The following CDKN2B-AS1 variants were observed in gnomAD, a reference collection of about 807,000 sequenced individuals.
CDKN2B-AS1 encodes the protein CDKN2B and CDKN2A antisense cis and trans regulatory RNA 1, also known as CDKN2B antisense RNA 1 (non-protein coding).
intron 4 of CDKN2B-AS1, among the ~76,000 whole-genome samples, chr9:22,124,916 G>A (rs2131378827): frequency 6.6e-6 from 1 of 152,316 alleles, no homozygotes; most frequent in Admixed American, 6.5e-5. Flanking sequence ...TTGTCCTTCA[G>A]GGCTGTGACC....
chr9:22,126,483 G>T (rs550401758), intron 4 of CDKN2B-AS1, among the ~76,000 whole-genome samples: 2 of 151,812 alleles, frequency 1.3e-5, no homozygotes, highest in Non-Finnish European at 2.9e-5. Flanking sequence ...GTTTAGTTGA[G>T]AGCAAAGTTT....
intron 2 of CDKN2B-AS1, among the ~76,000 whole-genome samples, chr9:22,048,909 G>A (rs1215199115): frequency 6.6e-6 from 1 of 152,100 alleles, no homozygotes; most frequent in Non-Finnish European, 1.5e-5. Context: ...TGCCTCTTAG[G>A]GATAGTGTGA....
At chr9:22,044,626 T>C (rs1823031401) in intron 1 of CDKN2B-AS1, among the ~76,000 whole-genome samples, 2 of 152,060 alleles carry the variant, frequency 1.3e-5, no homozygotes, top group South Asian at 2.1e-4. Context: ...TGAAAGTCAA[T>C]GCATCCTTCT....
chr9:22,074,971 G>A (rs1824438642), intron 4 of CDKN2B-AS1, among the ~76,000 whole-genome samples: 1 of 152,076 alleles, frequency 6.6e-6, no homozygotes, highest in Non-Finnish European at 1.5e-5. Flanking sequence ...AATTTTAGAT[G>A]GTACATAGAC....
Position 22,006,278 on chromosome 9 carries a change from G to C in CDKN2B-AS1, n.29+11117G>C. ...AGAGAGAGCAGAGTGGTCAGAGCCAGGGTGGGGGCAGGTATGGGAGATGCC... is the reference window on the plus strand; with the variant it reads ...AGAGAGAGCAGAGTGGTCAGAGCCACGGTGGGGGCAGGTATGGGAGATGCC... On this transcript the variant is annotated intron_variant and non_coding_transcript_variant, in intron 1 of 4. Coordinates refer to ENST00000650946, the Ensembl canonical transcript of CDKN2B-AS1. The surrounding 1 kb of genome is among the most constrained non-coding windows in gnomAD (Gnocchi z 6.4). The C allele has an allele frequency of 6.2e-7, 1 of 1,600,326 alleles. No homozygotes were observed. The highest frequency in any genetic ancestry group is 8.5e-7 in the Non-Finnish European group (1 of 1,179,806).
At chr9:22,009,711 G>A (rs1821405900) in intron 1 of CDKN2B-AS1, among the ~76,000 whole-genome samples, 1 of 152,182 alleles carries the variant, frequency 6.6e-6, no homozygotes, top group African/African-American at 2.4e-5. Context: ...TTCTTAAGAT[G>A]TCTGAAAGCG....
intron 1 of CDKN2B-AS1, among the ~76,000 whole-genome samples, chr9:22,042,956 A>T (rs1249332509): frequency 6.6e-6 from 1 of 152,054 alleles, no homozygotes; most frequent in Non-Finnish European, 1.5e-5. Context: ...TTCACAATAG[A>T]GTTTTATGAT....
chr9:22,006,010 G>GTC lies in CDKN2B-AS1; in HGVS notation n.29+10849_29+10850insTC. Reference sequence around the variant, plus strand: ...CGTCAGTCCCCCGTGGCTGTGCGCAGGTACCCTGCAACGTCGCGGTGGCCC... The same window carrying GTC: ...CGTCAGTCCCCCGTGGCTGTGCGCAGTCGTACCCTGCAACGTCGCGGTGGCCC... On this transcript the variant is annotated intron_variant and non_coding_transcript_variant, in intron 1 of 4. Transcript: ENST00000650946. This position sits in a 1 kb window ranked among gnomAD's most constrained non-coding sequence, Gnocchi z 6.4. 1 of 1,603,396 alleles carries GTC rather than the reference G, an allele frequency of 6.2e-7. No homozygotes were observed. Among genetic ancestry groups the GTC allele is most frequent in the Non-Finnish European group, 8.5e-7 (1 of 1,179,718 alleles).
At chr9:22,002,027 T>C (rs1428559071) in intron 1 of CDKN2B-AS1, among the ~76,000 whole-genome samples, 1 of 152,124 alleles carries the variant, frequency 6.6e-6, no homozygotes, top group Non-Finnish European at 1.5e-5. Flanking sequence ...AATTGTCTTA[T>C]TTTCATATAT....
chr9:22,005,984 G>C lies in CDKN2B-AS1; in HGVS notation n.29+10823G>C. On this transcript the variant is annotated intron_variant and non_coding_transcript_variant, in intron 1 of 4. Coordinates refer to ENST00000650946, the Ensembl canonical transcript of CDKN2B-AS1. The surrounding 1 kb of genome is among the most constrained non-coding windows in gnomAD (Gnocchi z 4.9). ...TCGTTGTGGGCGGCTGGGGAACCTG[G>C]CGTCAGTCCCCCGTGGCTGTGCGCA... 6.2e-7 allele frequency: 1 copy of C among 1,601,468 alleles called. No homozygotes were observed. The highest frequency in any genetic ancestry group is 8.5e-7 in the Non-Finnish European group (1 of 1,179,796).
At chr9:22,043,810 T>A (rs1047153557) in intron 1 of CDKN2B-AS1, among the ~76,000 whole-genome samples, 11 of 152,000 alleles carry the variant, frequency 7.2e-5, no homozygotes, top group South Asian at 6.2e-4. Context: ...TATACTTTAA[T>A]ATAAATATGT....
At chr9:22,114,944 G>T (rs570874748) in intron 4 of CDKN2B-AS1, among the ~76,000 whole-genome samples, 1 of 152,102 alleles carries the variant, frequency 6.6e-6, no homozygotes, top group South Asian at 2.1e-4. Flanking sequence ...TTAACTCATG[G>T]CCCGATGATT....
At position 21,995,561 on chromosome 9, in the gene CDKN2B-AS1, A is replaced by C. The variant is rs1820624892; in HGVS notation, n.29+400A>C. The C allele has an allele frequency of 6.6e-6, 1 of 152,356 alleles. No homozygotes were observed. The highest frequency in any genetic ancestry group is 1.5e-5 in the Non-Finnish European group (1 of 68,240). 9.4% of individuals were successfully genotyped at this position (152,356 alleles called of 1,614,324 possible). A position where few individuals can be genotyped will look rare whatever the true frequency, so the allele number is the denominator to read the frequency against. ...GTCCCCTCCTCCCCTTTTCTTCCAC[A>C]TCACCGATCCTTTCTGGACTCTCTC... On this transcript the variant is annotated intron_variant and non_coding_transcript_variant, in intron 1 of 4. Coordinates refer to ENST00000650946, the Ensembl canonical transcript of CDKN2B-AS1. The surrounding 1 kb of genome is among the most constrained non-coding windows in gnomAD (Gnocchi z 5.7).
intron 4 of CDKN2B-AS1, among the ~76,000 whole-genome samples, chr9:22,099,355 T>G (rs1825401910): frequency 6.6e-6 from 1 of 152,068 alleles, no homozygotes; most frequent in Non-Finnish European, 1.5e-5. Flanking sequence ...AGTAGAGGAA[T>G]AAAAAGATTC....
rs1463263316 is a variant in CDKN2B-AS1, at chr9:21,999,270, CAAAT to C, written n.29+4112_29+4115del. Among the ~76,000 whole-genome samples the C allele has an allele frequency of 6.6e-6, 1 of 151,252 alleles. No homozygotes were observed. Among genetic ancestry groups the C allele is most frequent in the African/African-American group, 2.4e-5 (1 of 41,168 alleles). On this transcript the variant is annotated intron_variant and non_coding_transcript_variant, in intron 1 of 4. Coordinates refer to ENST00000650946, the Ensembl canonical transcript of CDKN2B-AS1. The surrounding 1 kb of genome is among the most constrained non-coding windows in gnomAD (Gnocchi z 4.7). ...TATTTTAAGTATGTAAAGACACACA[CAAAT>C]AATGTATGGAAATATATATACACAT...
At chr9:22,008,813 C>A in intron 1 of CDKN2B-AS1, 1 of 1,606,016 alleles carries the variant, frequency 6.2e-7, no homozygotes, top group Non-Finnish European at 8.5e-7. Flanking sequence ...TCGCGCGCCT[C>A]CCGAAACGGT....
At chr9:22,055,268 G>A (rs980293614) in intron 3 of CDKN2B-AS1, among the ~76,000 whole-genome samples, 1 of 152,020 alleles carries the variant, frequency 6.6e-6, no homozygotes, top group Non-Finnish European at 1.5e-5. Flanking sequence ...CCATATTTTT[G>A]TGGTGAGAAC....
chr9:22,005,871 GCAGGCTTA>G lies in CDKN2B-AS1; in HGVS notation n.29+10718_29+10725del, dbSNP rs1284322799. 15 of 1,376,274 alleles carry G rather than the reference GCAGGCTTA, an allele frequency of 1.1e-5. No homozygotes were observed. The highest frequency in any genetic ancestry group is 1.4e-5 in the Non-Finnish European group (14 of 1,003,776). 85.3% of individuals were successfully genotyped at this position (1,376,274 alleles called of 1,614,324 possible). On this transcript the variant is annotated intron_variant and non_coding_transcript_variant, in intron 1 of 4. Transcript: ENST00000650946. The surrounding 1 kb of genome is among the most constrained non-coding windows in gnomAD (Gnocchi z 4.9). The stretch of plus-strand genomic sequence containing the variant: ...CTTCCTGTGAGTCTCAGACAGGCTT[GCAGGCTTA>G]CAGGCTTTCCGCCGCTCCCCGTTGG...
At chr9:22,060,983 A>G (rs767343905) in intron 4 of CDKN2B-AS1, among the ~76,000 whole-genome samples, 2 of 152,196 alleles carry the variant, frequency 1.3e-5, no homozygotes, top group Non-Finnish European at 2.9e-5. Flanking sequence ...ATTCAAGTTG[A>G]GATTTGGTAG....
Sources: gnomAD v4.1 joint callset for allele counts (sites outside exome capture counted in the v4.1 genomes callset) on GRCh38, gnomAD v4.1.1 for gene constraint, Gnocchi (gnomAD v3.1) non-coding constraint, MANE v1.5 for transcripts, NCBI Gene and HGNC (gene_info 2026-07-23, HGNC 2026-07-21) for gene names.